Variants in CCDC180 observed in about 807,000 individuals in gnomAD.
CCDC180 encodes the protein coiled-coil domain containing 180, also known as coiled-coil domain-containing protein 180.
Under a neutral mutation model 209.2 loss-of-function variants are expected in CCDC180, and 154 were observed. That is an observed-to-expected ratio of 0.74 (90% CI 0.65 to 0.84). CCDC180 has a LOEUF of 0.84. Among genes scored for constraint, CCDC180 ranks in the 40% least tolerant of loss-of-function variants. The probability of loss-of-function intolerance (pLI) is 0.00; values close to 1 mark genes in which losing one functional copy is unlikely to be tolerated. For missense variants in CCDC180, 1,874 were observed against 1,997.3 expected, an observed-to-expected ratio of 0.94 and a Z score of 1.18; for synonymous variants, 778 against 749.1, an observed-to-expected ratio of 1.04 and a Z score of -0.63.
rs145390404 is a variant in CCDC180 at position 97,311,477 on chromosome 9, C to T, written c.261-636C>T. Among the ~76,000 whole-genome samples, 108 of 152,232 alleles carry T rather than the reference C, an allele frequency of 7.1e-4. 1 individual carries two copies. Among genetic ancestry groups the T allele is most frequent in the African/African-American group, 2.4e-3 (101 of 41,522 alleles). The stretch of plus-strand genomic sequence containing the variant: ...GCTGCGGGATTTCTATGGTGCTTGC[C>T]CCATGGACAGGGCATTCACAGATGC... On this transcript the variant is annotated intron_variant, in intron 3 of 36. Coordinates refer to ENST00000529487, the MANE Select transcript of CCDC180 (RefSeq NM_020893.6).
At chr9:97,360,321 C>A (rs1826714429) in intron 26 of CCDC180, among the ~76,000 whole-genome samples, 1 of 152,080 alleles carries the variant, frequency 6.6e-6, no homozygotes, top group Admixed American at 6.5e-5. Context: ...TCAGAGGAGA[C>A]CCCTCAGCTC....
intron 16 of CCDC180, among the ~76,000 whole-genome samples, chr9:97,329,716 T>TGGTC (rs1285172988): frequency 2.6e-5 from 4 of 152,214 alleles, no homozygotes; most frequent in African/African-American, 9.7e-5. Flanking sequence ...CCCAGGGAAC[T>TGGTC]AAGTTGGTCA....
intron 36 of CCDC180, 178 bp downstream of exon 36, chr9:97,375,767 G>T: frequency 1.4e-6 from 1 of 717,806 alleles, no homozygotes; most frequent in East Asian, 2.7e-5. Flanking sequence ...TCACAGGCAC[G>T]AGGACATTAA....
Position 97,318,469 on chromosome 9 carries a change from C to T in CCDC180, c.966C>T (p.Phe322=), listed in dbSNP as rs201213754. 1.2e-6 allele frequency: 2 copies of T among 1,613,530 alleles called. No homozygotes were observed. The highest frequency in any genetic ancestry group is 1.7e-6 in the Non-Finnish European group (2 of 1,179,800). Residue 322 remains phenylalanine (F), a synonymous_variant, in exon 10 of 37, where the codon TTC becomes TTT. Transcript: ENST00000529487. ...KEALLQSFSE[F]MASESIHTPP... The stretch of plus-strand genomic sequence containing the variant: ...CAACATGTCTGGCCACCAGTGAGTT[C>T]ATGGCCAGTGAGAGTATCCATACTC...
chr9:97,318,645 T>C, intron 10 of CCDC180, 63 bp downstream of exon 10: 1 of 1,587,770 alleles, frequency 6.3e-7, no homozygotes, highest in Non-Finnish European at 8.5e-7. Context: ...GAGGCAGAAG[T>C]GGCCTGCAGT....
intron 36 of CCDC180, chr9:97,376,457 A>T (rs1342013517): frequency 5.0e-6 from 1 of 199,494 alleles, no homozygotes; most frequent in Non-Finnish European, 1.0e-5. Flanking sequence ...GAGAGGCCAC[A>T]GTGTGGGACA....
chr9:97,368,666 CA>C (rs1826992500), intron 31 of CCDC180, among the ~76,000 whole-genome samples: 1 of 152,136 alleles, frequency 6.6e-6, no homozygotes, highest in South Asian at 2.1e-4. Flanking sequence ...GTGGCTCATC[CA>C]AAACACCTCC....
In CCDC180 at chr9:97,326,571, CGATA is replaced by C; in HGVS notation, c.1565_1568del (p.Asp522GlyfsTer6). 6.2e-7 allele frequency: 1 copy of C among 1,612,342 alleles called. No individual in the cohort carries two copies. On this transcript the variant is annotated frameshift_variant, in exon 15 of 37. Transcript: ENST00000529487. LOFTEE classifies it high-confidence loss of function. Reference sequence around the variant, plus strand: ...GCTTCCAGGTGCAGGAGGCCCACCTCGATAGGCTCTTGGACCAACTGAGGCAGCA... The same window carrying C: ...GCTTCCAGGTGCAGGAGGCCCACCTCGGCTCTTGGACCAACTGAGGCAGCA...
At chr9:97,324,600 G>C (rs1330079236) in intron 13 of CCDC180, among the ~76,000 whole-genome samples, 10 of 152,186 alleles carry the variant, frequency 6.6e-5, no homozygotes. Flanking sequence ...AAGGTGGGTG[G>C]TGTGGAGGAT....
intron 11 of CCDC180, among the ~76,000 whole-genome samples, chr9:97,321,087 C>T (rs1323459317): frequency 6.6e-6 from 1 of 152,144 alleles, no homozygotes; most frequent in Non-Finnish European, 1.5e-5. Flanking sequence ...TGAGGGTAAA[C>T]AAGTGTACTC....
intron 31 of CCDC180, among the ~76,000 whole-genome samples, chr9:97,367,956 A>G (rs762080572): frequency 6.6e-6 from 1 of 152,126 alleles, no homozygotes; most frequent in Non-Finnish European, 1.5e-5. Context: ...TTGTTTCTCT[A>G]GCTCAGAATT....
At chr9:97,345,468 A>G in intron 19 of CCDC180, 1 of 354,254 alleles carries the variant, frequency 2.8e-6, no homozygotes, top group Non-Finnish European at 5.3e-6. Flanking sequence ...ATGATATTGT[A>G]TACCTTTAAA....
chr9:97,355,888 G>T (rs955230682), intron 24 of CCDC180, among the ~76,000 whole-genome samples: 1 of 152,196 alleles, frequency 6.6e-6, no homozygotes, highest in African/African-American at 2.4e-5. Context: ...CCAGGGGGCT[G>T]GAGCCCAGGA....
rs745850470 is a variant in CCDC180 at position 97,330,212 on chromosome 9, A to G, written c.1828+19A>G. On this transcript the variant is annotated intron_variant, in intron 17 of 36. Coordinates refer to ENST00000529487, the MANE Select transcript of CCDC180 (RefSeq NM_020893.6). ...CAACCAGGTAACACTTTTTCAATTC[A>G]AGTTTTATTCTCCCAGACTTCACTC... The G allele has an allele frequency of 6.2e-7, 1 of 1,613,680 alleles. No homozygotes were observed. Among genetic ancestry groups the G allele is most frequent in the South Asian group, 1.1e-5 (1 of 91,048 alleles).
chr9:97,326,502 G>A, intron 14 of CCDC180, 52 bp from the exon 15 acceptor site: 1 of 1,086,124 alleles, frequency 9.2e-7, no homozygotes, highest in Non-Finnish European at 1.4e-6. Flanking sequence ...CTTACACTCT[G>A]TGAGCACTGG....
At chr9:97,361,449 G>T (rs191230399) in intron 26 of CCDC180, among the ~76,000 whole-genome samples, 1 of 152,354 alleles carries the variant, frequency 6.6e-6, no homozygotes, top group African/African-American at 2.4e-5. Flanking sequence ...ATCATATATG[G>T]CCTCTTGGCC....
chr9:97,317,712 A>G (rs979153948), intron 9 of CCDC180, among the ~76,000 whole-genome samples: 3 of 152,144 alleles, frequency 2.0e-5, no homozygotes, highest in African/African-American at 4.8e-5. Context: ...TCCCTTGTCC[A>G]TGCTTCTTCT....
At chr9:97,343,672 AAAAT>A in intron 19 of CCDC180, 109 bp downstream of exon 19, 1 of 842,406 alleles carries the variant, frequency 1.2e-6, no homozygotes, top group Non-Finnish European at 1.8e-6. Flanking sequence ...GATAAAGAAA[AAAAT>A]GTAGGTAACT....
intron 25 of CCDC180, 122 bp downstream of exon 25, chr9:97,357,847 G>T: frequency 2.8e-6 from 2 of 714,576 alleles, no homozygotes; most frequent in Non-Finnish European, 4.6e-6. Flanking sequence ...GGGGTGGGGG[G>T]ACATCTCTGA....
Sources: gnomAD v4.1 joint callset for allele counts (sites outside exome capture counted in the v4.1 genomes callset) on GRCh38, gnomAD v4.1.1 for gene constraint, MANE v1.5 for transcripts, NCBI Gene and HGNC (gene_info 2026-07-23, HGNC 2026-07-21) for gene names.